BMPER: variants seen among roughly 807,000 people sequenced by gnomAD.
BMPER encodes the protein BMP binding endothelial regulator, also known as BMP-binding endothelial regulator protein.
BMPER carries 45 observed loss-of-function variants against 87.3 expected under a neutral mutation model. The ratio of observed to expected loss-of-function variants is 0.52; its 90% confidence interval spans 0.41 to 0.66. The LOEUF (loss-of-function observed/expected upper bound fraction) is 0.66. Among genes scored for constraint, BMPER ranks in the 30% least tolerant of loss-of-function variants. The pLI is 0.00. For missense variants in BMPER, 784 were observed against 867.5 expected, an observed-to-expected ratio of 0.90 and a Z score of 1.21; for synonymous variants, 326 against 316.2, an observed-to-expected ratio of 1.03 and a Z score of -0.33.
chr7:34,119,950 A>G (rs1452766333), intron 13 of BMPER, among the ~76,000 whole-genome samples: 1 of 152,190 alleles, frequency 6.6e-6, no homozygotes, highest in African/African-American at 2.4e-5. Flanking sequence ...AATAAAATTA[A>G]AGGTAAAAAA....
At chr7:34,031,035 G>A (rs1385661004) in intron 6 of BMPER, among the ~76,000 whole-genome samples, 1 of 152,056 alleles carries the variant, frequency 6.6e-6, no homozygotes, top group African/African-American at 2.4e-5. Context: ...CCTTCATGTG[G>A]ACAAAAGGAC....
At chr7:34,007,922 G>T (rs10276214) in intron 6 of BMPER, among the ~76,000 whole-genome samples, 30,316 of 151,848 alleles carry the variant, frequency 0.2, 3,350 homozygotes, top group East Asian at 0.31. Flanking sequence ...CCTCCATTGA[G>T]AGTGTATCAG....
intron 7 of BMPER, among the ~76,000 whole-genome samples, chr7:34,048,680 T>A (rs191490064): frequency 6.6e-6 from 1 of 152,364 alleles, no homozygotes; most frequent in Admixed American, 6.5e-5. Context: ...GCTTCCCATA[T>A]GAGCAACAGC....
In BMPER at chr7:33,905,713, G is replaced by T. The variant is rs370449806; in HGVS notation, c.100G>T (p.Val34Phe). 5 of 1,613,094 alleles carry T rather than the reference G, an allele frequency of 3.1e-6. No homozygotes were observed. The highest frequency in any genetic ancestry group is 1.6e-4 in the Middle Eastern group (1 of 6,082). ...CVLLLLNCSG[V>F]PMSLASSFLT... ...CTTGCTGCTACTCAATTGCTCGGGGGTCCCCATGTCTCTGGCTTCCTCCTT... is the reference window on the plus strand; with the variant it reads ...CTTGCTGCTACTCAATTGCTCGGGGTTCCCCATGTCTCTGGCTTCCTCCTT... Residue 34 changes from valine (V) to phenylalanine (F), a missense_variant, in exon 1 of 15, where the codon GTC becomes TTC. Transcript: ENST00000649409.
At chr7:34,118,410 G>A (rs145412664) in intron 13 of BMPER, among the ~76,000 whole-genome samples, 12 of 152,270 alleles carry the variant, frequency 7.9e-5, no homozygotes, top group African/African-American at 1.2e-4. Context: ...GCATCTTCTC[G>A]TTTTTAATGC....
rs542205304 is a variant in BMPER at position 33,909,352 on chromosome 7, G to A, written c.219+2449G>A. Among the ~76,000 whole-genome samples, 5 of 152,274 alleles carry A rather than the reference G, an allele frequency of 3.3e-5. No homozygotes were observed. The South Asian group carries it at 1.0e-3, about 32-fold the overall frequency. On this transcript the variant is annotated intron_variant, in intron 2 of 14. Transcript: ENST00000649409. ...TTGAGTTAAAGATGTGAGAAAGTAAGGAGAAAATAGAAAGAACATCCAAAT... is the reference window on the plus strand; with the variant it reads ...TTGAGTTAAAGATGTGAGAAAGTAAAGAGAAAATAGAAAGAACATCCAAAT...
chr7:34,113,527 A>AT (rs965940968), intron 13 of BMPER, among the ~76,000 whole-genome samples: 95 of 150,020 alleles, frequency 6.3e-4, no homozygotes, highest in Admixed American at 2.2e-3. Context: ...TGGCCAGCAT[A>AT]TTTTTTTTGA....
At chr7:33,979,236 C>T (rs1226984197) in intron 6 of BMPER, among the ~76,000 whole-genome samples, 3 of 151,812 alleles carry the variant, frequency 2.0e-5, no homozygotes, top group Admixed American at 2.0e-4. Context: ...AAACCTATTA[C>T]TCTGTTTTGC....
At chr7:34,068,152 G>A (rs1788641305) in intron 11 of BMPER, among the ~76,000 whole-genome samples, 1 of 152,194 alleles carries the variant, frequency 6.6e-6, no homozygotes, top group Admixed American at 6.5e-5. Context: ...GGTTTCATTT[G>A]ATTATCACAG....
intron 13 of BMPER, among the ~76,000 whole-genome samples, chr7:34,136,144 C>T (rs1562766117): frequency 1.3e-5 from 2 of 152,076 alleles, no homozygotes; most frequent in Admixed American, 6.5e-5. Context: ...CCAGGAAAGC[C>T]GTGGACAGAG....
chr7:34,091,769 A>G (rs1453659829), intron 13 of BMPER, among the ~76,000 whole-genome samples: 1 of 152,222 alleles, frequency 6.6e-6, no homozygotes, highest in African/African-American at 2.4e-5. Context: ...TCTGATTGAA[A>G]AAATTTTTTA....
chr7:33,925,425 C>G (rs1189334062), intron 2 of BMPER, among the ~76,000 whole-genome samples: 1 of 152,124 alleles, frequency 6.6e-6, no homozygotes. Context: ...CCAATGAACA[C>G]TAATGTAATC....
chr7:34,129,096 A>G (rs1790479348), intron 13 of BMPER, among the ~76,000 whole-genome samples: 1 of 152,198 alleles, frequency 6.6e-6, no homozygotes, highest in Non-Finnish European at 1.5e-5. Flanking sequence ...GAAAACATCT[A>G]TAAAGGTTAC....
intron 6 of BMPER, among the ~76,000 whole-genome samples, chr7:34,022,766 A>G (rs1456053578): frequency 6.6e-6 from 1 of 151,676 alleles, no homozygotes; most frequent in East Asian, 2.0e-4. Context: ...CATATTGGCA[A>G]TATGCTCAAG....
At chr7:34,106,372 T>C (rs1230425686) in intron 13 of BMPER, among the ~76,000 whole-genome samples, 4 of 152,212 alleles carry the variant, frequency 2.6e-5, no homozygotes. Flanking sequence ...CTTCCCTGAC[T>C]TTCCTTGTCT....
intron 3 of BMPER, among the ~76,000 whole-genome samples, chr7:33,938,454 C>T (rs1386980834): frequency 6.6e-6 from 1 of 152,158 alleles, no homozygotes; most frequent in East Asian, 1.9e-4. Context: ...CAGAGACAGA[C>T]AGAGACACAC....
chr7:33,964,930 T>G (rs1198088089), intron 3 of BMPER, among the ~76,000 whole-genome samples: 1 of 152,206 alleles, frequency 6.6e-6, no homozygotes, highest in Admixed American at 6.5e-5. Context: ...TTTCCCTGCC[T>G]CCATCTCTCG....
intron 11 of BMPER, among the ~76,000 whole-genome samples, chr7:34,064,734 A>G (rs1788533629): frequency 6.6e-6 from 1 of 152,190 alleles, no homozygotes; most frequent in South Asian, 2.1e-4. Context: ...ATATCATCAG[A>G]TGGCTATTTC....
intron 14 of BMPER, among the ~76,000 whole-genome samples, chr7:34,147,680 G>C (rs1791065995): frequency 6.6e-6 from 1 of 152,086 alleles, no homozygotes; most frequent in Non-Finnish European, 1.5e-5. Flanking sequence ...ATGTTGGTCA[G>C]GCAGGTCTTG....
Sources: allele counts gnomAD v4.1 joint callset (sites outside exome capture counted in the v4.1 genomes callset), GRCh38; gene constraint gnomAD v4.1.1; transcripts MANE v1.5; gene names NCBI Gene and HGNC (gene_info 2026-07-23, HGNC 2026-07-21).